Variants in RARS2 observed in about 807,000 individuals in gnomAD.
The protein encoded by RARS2 is arginyl-tRNA synthetase 2, mitochondrial.
RARS2 carries 67 observed loss-of-function variants against 88.5 expected under a neutral mutation model. That is an observed-to-expected ratio of 0.76 (90% confidence interval 0.62 to 0.93). RARS2 has a LOEUF of 0.93. RARS2 is among the 40% of genes least tolerant of loss of function. The probability of loss-of-function intolerance (pLI) is 0.00; values close to 1 mark genes in which losing one functional copy is unlikely to be tolerated. For synonymous variants in RARS2, 239 were observed against 230.3 expected (o/e 1.04, Z -0.34); for missense variants, 664 against 684.2 (o/e 0.97, Z 0.33).
intron 8 of RARS2, among the ~76,000 whole-genome samples, chr6:87,539,898 G>C (rs1024810592): frequency 6.6e-6 from 1 of 152,104 alleles, no homozygotes; most frequent in Admixed American, 6.5e-5. Context: ...TCTCATGAAA[G>C]ATTAAGCTTG....
At chr6:87,531,462 G>GT (rs376807504) in intron 8 of RARS2, among the ~76,000 whole-genome samples, 1 of 152,160 alleles carries the variant, frequency 6.6e-6, no homozygotes, top group South Asian at 2.1e-4. Flanking sequence ...TTTAGCATTT[G>GT]TTTTAATCAA....
intron 17 of RARS2, among the ~76,000 whole-genome samples, chr6:87,517,444 A>T (rs1772176039): frequency 6.6e-6 from 1 of 152,242 alleles, no homozygotes; most frequent in South Asian, 2.1e-4. Context: ...TGGTGAATGT[A>T]AAAAGCCTCC....
chr6:87,587,745 CAATA>C (rs552697301), intron 1 of RARS2, among the ~76,000 whole-genome samples: 345 of 152,170 alleles, frequency 2.3e-3, no homozygotes, highest in African/African-American at 7.8e-3. Context: ...AATATATACT[CAATA>C]TATTAGTTCT....
rs144447777 is a variant in RARS2, at chr6:87,518,678, C to T, written c.1367G>A (p.Arg456His). 20 of 1,613,808 alleles carry T rather than the reference C, an allele frequency of 1.2e-5. No homozygotes were observed. The highest frequency in any genetic ancestry group is 2.2e-5 in the East Asian group (1 of 44,868). The change falls in exon 16 of 20, where the codon CGC (arginine) becomes CAC (histidine). Residue 456 changes from arginine (R) to histidine (H), a missense_variant. By Grantham distance (29) the Arg-to-His change is conservative. Transcript: ENST00000369536. ...KFSWDRVFQS[R>H]GDTGVFLQYT... is the part of the protein sequence containing the mutation. ...CTGTAGGAAGACTCCTGTGTCCCCG[C>T]GACTCTGGAAAACACGATCCCAGCT...
chr6:87,523,991 T>C (rs186944672), intron 11 of RARS2, among the ~76,000 whole-genome samples: 4 of 152,320 alleles, frequency 2.6e-5, no homozygotes, highest in South Asian at 4.1e-4. Context: ...AAAGACTTAA[T>C]TGGTTGCTTA....
At chr6:87,550,907 T>C (rs1478717469) in intron 5 of RARS2, among the ~76,000 whole-genome samples, 1 of 151,742 alleles carries the variant, frequency 6.6e-6, no homozygotes, top group African/African-American at 2.4e-5. Flanking sequence ...AACACTGATA[T>C]TCGGATTAAT....
rs368985469 is a variant in RARS2 at position 87,589,924 on chromosome 6, G to A, written c.34C>T (p.Gln12Ter). The A allele has an allele frequency of 1.2e-6, 2 of 1,614,248 alleles. No homozygotes were observed. The highest frequency in any genetic ancestry group is 2.2e-5 in the East Asian group (1 of 44,886). ...TCTGCGCGCTCCGGGATCCATACCT[G>A]GCAAGCAATAGCGCGGCGAAAGCCG... is the stretch of plus-strand genomic sequence containing the variant. ...ACGFRRAIAC[Q>*]LSRVLNLPPE... The change falls in exon 1 of 20, where the codon CAG becomes TAG. Residue 12 changes from glutamine to a stop codon, truncating the protein, a stop_gained and splice_region_variant. Transcript: ENST00000369536. LOFTEE classifies it high-confidence loss of function.
chr6:87,545,907 G>A (rs1234489329), intron 6 of RARS2, among the ~76,000 whole-genome samples: 1 of 151,580 alleles, frequency 6.6e-6, no homozygotes. Context: ...TTATTCCAAA[G>A]AATCTCACAT....
intron 2 of RARS2, chr6:87,564,606 C>T: frequency 2.7e-6 from 1 of 371,080 alleles, no homozygotes; most frequent in South Asian, 2.2e-5. Context: ...GAGGTGGAGA[C>T]TGCAGCGAGT....
At chr6:87,537,117 A>C (rs1287413044) in intron 8 of RARS2, among the ~76,000 whole-genome samples, 1 of 152,276 alleles carries the variant, frequency 6.6e-6, no homozygotes, top group Non-Finnish European at 1.5e-5. Context: ...TGCAATTTAG[A>C]GAATACTGAT....
chr6:87,526,795 C>G (rs1775885570), intron 10 of RARS2, among the ~76,000 whole-genome samples: 1 of 151,180 alleles, frequency 6.6e-6, no homozygotes, highest in Non-Finnish European at 1.5e-5. Flanking sequence ...CTGAGCCTCC[C>G]AAGTAGCTGG....
chr6:87,559,107 A>T (rs1271007710), intron 4 of RARS2, among the ~76,000 whole-genome samples: 2 of 152,210 alleles, frequency 1.3e-5, no homozygotes, highest in Non-Finnish European at 2.9e-5. Flanking sequence ...TTACAGAATA[A>T]GGATATATTT....
chr6:87,525,897 T>G (rs1775531876), intron 10 of RARS2, among the ~76,000 whole-genome samples: 1 of 150,210 alleles, frequency 6.7e-6, no homozygotes, highest in Non-Finnish European at 1.5e-5. Context: ...AAAAAGAAAT[T>G]TAAAAAAAAA....
intron 2 of RARS2, among the ~76,000 whole-genome samples, chr6:87,567,618 T>C (rs1768311956): frequency 6.6e-6 from 1 of 152,216 alleles, no homozygotes; most frequent in African/African-American, 2.4e-5. Flanking sequence ...AAGTTAGAAA[T>C]ATAGAACGGT....
chr6:87,584,304 ATGTTTT>A (rs1774476023), intron 1 of RARS2, among the ~76,000 whole-genome samples: 1 of 152,210 alleles, frequency 6.6e-6, no homozygotes, highest in African/African-American at 2.4e-5. Flanking sequence ...CAGGGGTCTG[ATGTTTT>A]CTGCTACCAT....
chr6:87,555,875 G>T (rs1214824468), intron 4 of RARS2, among the ~76,000 whole-genome samples: 1 of 152,170 alleles, frequency 6.6e-6, no homozygotes, highest in Admixed American at 6.6e-5. Context: ...CACTTATTGA[G>T]TTCATACTAT....
intron 19 of RARS2, 102 bp downstream of exon 19, chr6:87,514,855 G>C: frequency 3.1e-6 from 3 of 952,828 alleles, no homozygotes; most frequent in African/African-American, 3.2e-5. Flanking sequence ...TACTGCTACA[G>C]TTGAACAACA....
At chr6:87,569,478 C>T in intron 2 of RARS2, 39 bp downstream of exon 2, 1 of 1,494,920 alleles carries the variant, frequency 6.7e-7, no homozygotes, top group Non-Finnish European at 9.3e-7. Context: ...ACAAAGTCAG[C>T]AACATTTTAT....
At chr6:87,562,651 C>G (rs1158866740) in intron 4 of RARS2, 51 bp downstream of exon 4, 1 of 1,390,824 alleles carries the variant, frequency 7.2e-7, no homozygotes, top group Non-Finnish European at 1.0e-6. Context: ...ACCACTGTGG[C>G]TGAAGCAGAC....
Sources: gnomAD v4.1 joint callset for allele counts (sites outside exome capture counted in the v4.1 genomes callset) on GRCh38, gnomAD v4.1.1 for gene constraint, MANE v1.5 for transcripts, NCBI Gene and HGNC (gene_info 2026-07-23, HGNC 2026-07-21) for gene names.